Variants in BBS9 observed in about 807,000 individuals in gnomAD.
BBS9 encodes Bardet-Biedl syndrome 9.
BBS9 carries 89 observed loss-of-function variants against 117.7 expected under a neutral mutation model. The observed-to-expected ratio is 0.76, with a 90% CI of 0.64 to 0.90. The LOEUF is 0.90. Among genes scored for constraint, BBS9 ranks in the 40% least tolerant of loss-of-function variants. BBS9 has a pLI of 0.00. For synonymous variants in BBS9, 379 were observed against 370.9 expected (o/e 1.02, Z -0.25); for missense variants, 982 against 1,042.2 (o/e 0.94, Z 0.80).
chr7:33,560,282 AG>A (rs1855898966), intron 21 of BBS9, among the ~76,000 whole-genome samples: 1 of 152,166 alleles, frequency 6.6e-6, no homozygotes, highest in Non-Finnish European at 1.5e-5. Flanking sequence ...AAACCAGCCT[AG>A]GGATCATAGT....
At chr7:33,135,004 C>T (rs1490115971) in intron 1 of BBS9, among the ~76,000 whole-genome samples, 1 of 152,054 alleles carries the variant, frequency 6.6e-6, no homozygotes, top group Non-Finnish European at 1.5e-5. Flanking sequence ...GCAATTCTCC[C>T]ACCTTAGCCT....
chr7:33,402,931 A>C (rs2128795230), intron 19 of BBS9, among the ~76,000 whole-genome samples: 1 of 152,198 alleles, frequency 6.6e-6, no homozygotes, highest in South Asian at 2.1e-4. Context: ...TCCTACTTAT[A>C]AGTGAGAACA....
At chr7:33,574,679 T>C (rs1261258165) in intron 21 of BBS9, among the ~76,000 whole-genome samples, 2 of 117,724 alleles carry the variant, frequency 1.7e-5, no homozygotes, top group Admixed American at 1.0e-4. Flanking sequence ...CTGGAAGTCA[T>C]AGAAAACACA....
At chr7:33,314,411 A>G in intron 9 of BBS9, 1 of 280,934 alleles carries the variant, frequency 3.6e-6, no homozygotes, top group Non-Finnish European at 7.1e-6. Flanking sequence ...TTATTTGCAT[A>G]GTCTTTTGGT....
At chr7:33,323,061 T>C (rs964615519) in intron 9 of BBS9, among the ~76,000 whole-genome samples, 3 of 152,204 alleles carry the variant, frequency 2.0e-5, no homozygotes, top group African/African-American at 7.2e-5. Context: ...CCTCTTGTTA[T>C]TGATTTCTAG....
Position 33,349,074 on chromosome 7 carries a change from C to T in BBS9, c.1336C>T (p.Leu446=). ...ACAATTTCTGTTTCCTTAGGTCACA[C>T]TGCAGAACAGAGTGATATTGCAAAA... The part of the protein sequence containing the change: ...LVPSVTVKVT[L]QNRVILQKAK... Residue 446 remains leucine (L), a synonymous_variant, in exon 13 of 23, where the codon CTG becomes TTG. Coordinates refer to ENST00000242067, the MANE Select transcript of BBS9 (RefSeq NM_198428.3). 1.2e-6 allele frequency: 2 copies of T among 1,603,390 alleles called. No homozygotes were observed. The highest frequency in any genetic ancestry group is 8.5e-7 in the Non-Finnish European group (1 of 1,170,490).
At chr7:33,391,958 A>G (rs1045335820) in intron 19 of BBS9, among the ~76,000 whole-genome samples, 1 of 152,174 alleles carries the variant, frequency 6.6e-6, no homozygotes, top group African/African-American at 2.4e-5. Context: ...ATCCTTCCTT[A>G]TGTATGCCAA....
chr7:33,138,740 G>C (rs914576728), intron 1 of BBS9, among the ~76,000 whole-genome samples: 16 of 150,680 alleles, frequency 1.1e-4, no homozygotes, highest in African/African-American at 3.9e-4. Flanking sequence ...CTCTAGTGGA[G>C]ACTGGCTAAT....
intron 19 of BBS9, among the ~76,000 whole-genome samples, chr7:33,491,386 A>T (rs1164125680): frequency 6.6e-6 from 1 of 152,156 alleles, no homozygotes. Context: ...GGTGCCTAAC[A>T]AGCAAAGGGC....
chr7:33,613,686 A>T (rs1266528708), intron 21 of BBS9, among the ~76,000 whole-genome samples: 1 of 152,032 alleles, frequency 6.6e-6, no homozygotes, highest in Non-Finnish European at 1.5e-5. Flanking sequence ...CACGAAAAAA[A>T]ATTAACATCC....
intron 21 of BBS9, among the ~76,000 whole-genome samples, chr7:33,596,018 T>G (rs1563422252): frequency 6.6e-6 from 1 of 151,738 alleles, no homozygotes. Context: ...CTGGGGCCAG[T>G]CATGGGGTTG....
At chr7:33,274,033 A>G (rs1800290062) in intron 9 of BBS9, 77 bp downstream of exon 9, 1 of 1,499,744 alleles carries the variant, frequency 6.7e-7, no homozygotes, top group East Asian at 2.3e-5. Context: ...TGAAATAATG[A>G]CAAGTGATTT....
intron 10 of BBS9, among the ~76,000 whole-genome samples, chr7:33,338,610 C>T (rs888032818): frequency 2.6e-5 from 4 of 151,906 alleles, no homozygotes; most frequent in Non-Finnish European, 5.9e-5. Flanking sequence ...TATTATCTAC[C>T]GTAATAAAAG....
chr7:33,276,576 G>A (rs768826635), intron 9 of BBS9, among the ~76,000 whole-genome samples: 2 of 152,176 alleles, frequency 1.3e-5, no homozygotes, highest in Non-Finnish European at 2.9e-5. Flanking sequence ...AGTTGGAATA[G>A]TAGCTGGTGT....
intron 9 of BBS9, among the ~76,000 whole-genome samples, chr7:33,309,074 C>T (rs1808632634): frequency 6.7e-6 from 1 of 150,372 alleles, no homozygotes; most frequent in Non-Finnish European, 1.5e-5. Context: ...TTCTCATCTG[C>T]AAAATGTAGG....
intron 9 of BBS9, among the ~76,000 whole-genome samples, chr7:33,275,712 G>GAAATATAT (rs1406177607): frequency 2.6e-5 from 4 of 152,152 alleles, no homozygotes; most frequent in African/African-American, 7.2e-5. Flanking sequence ...ACATTTAGTT[G>GAAATATAT]AAATATATAT....
Position 33,146,222 on chromosome 7 carries a change from T to C in BBS9, c.-11-20T>C. ...TAGTTCATAGTGTGAAGTAGATTAT[T>C]ATAAATGTTTTCTTTTTAGTGTGAA... On this transcript the variant is annotated intron_variant, in intron 1 of 22. Coordinates refer to ENST00000242067, the MANE Select transcript of BBS9 (RefSeq NM_198428.3). 2 of 1,509,638 alleles carry C rather than the reference T, an allele frequency of 1.3e-6. No homozygotes were observed. The highest frequency in any genetic ancestry group is 1.8e-6 in the Non-Finnish European group (2 of 1,085,276). 93.5% of individuals were successfully genotyped at this position (1,509,638 alleles called of 1,614,324 possible). A position where few individuals can be genotyped will look rare whatever the true frequency, so the allele number is the denominator to read the frequency against.
Position 33,453,426 on chromosome 7 carries a change from C to G in BBS9, c.2116-52037C>G, listed in dbSNP as rs560590661. On this transcript the variant is annotated intron_variant, in intron 19 of 22. Transcript: ENST00000242067. ...GACAGTAAAACCAGCTCCTCTTCCT[C>G]CTCCTCAGCCTGCTCAACATGAAGA... is the stretch of plus-strand genomic sequence containing the variant. Among the ~76,000 whole-genome samples, 14 of 152,304 alleles carry G rather than the reference C, an allele frequency of 9.2e-5. 1 individual carries two copies. The South Asian group carries it at 2.5e-3, about 27-fold the overall frequency.
At position 33,264,347 on chromosome 7, in the gene BBS9, A is replaced by G. The variant is rs766063512; in HGVS notation, c.675A>G (p.Gln225=). Reference sequence around the variant, plus strand: ...ATAAAAGGCAGGAGACTGAACAGCAAAAACTTGGTTCTGGAAAAAGACTAG... The same window carrying G: ...ATAAAAGGCAGGAGACTGAACAGCAGAAACTTGGTTCTGGAAAAAGACTAG... ...DADKRQETEQ[Q]KLGSGKRLVV... The change falls in exon 7 of 23, where the codon CAA becomes CAG. Residue 225 remains glutamine (Q), a synonymous_variant. Transcript: ENST00000242067. The G allele has an allele frequency of 5.7e-6, 9 of 1,581,952 alleles. No individual in the cohort carries two copies. The East Asian group carries it at 2.0e-4, about 36-fold the overall frequency.
Sources: allele counts gnomAD v4.1 joint callset (sites outside exome capture counted in the v4.1 genomes callset), GRCh38; gene constraint gnomAD v4.1.1; transcripts MANE v1.5; gene names NCBI Gene and HGNC (gene_info 2026-07-23, HGNC 2026-07-21).